Variants in FAM81B observed in about 807,000 individuals in gnomAD.
FAM81B encodes family with sequence similarity 81 member B.
Under a neutral mutation model 58.7 loss-of-function variants are expected in FAM81B, and 60 were observed. That is an observed-to-expected ratio of 1.02 (90% CI 0.83 to 1.27). The LOEUF (loss-of-function observed/expected upper bound fraction) is 1.27. Ranked by LOEUF, FAM81B falls within the 50% of genes most tolerant of loss-of-function variation. The probability of loss-of-function intolerance (pLI) is 0.00; values close to 1 mark genes in which losing one functional copy is unlikely to be tolerated. For missense variants in FAM81B, 491 were observed against 522.0 expected (o/e 0.94, Z 0.58); for synonymous variants, 189 against 179.6 (o/e 1.05, Z -0.42).
chr5:95,436,867 A>AC lies in FAM81B; in HGVS notation c.854_855insC (p.Gln285HisfsTer21), dbSNP rs373017124. The AC allele has an allele frequency of 5.8e-3, 9,328 of 1,613,842 alleles. 49 individuals carry two copies. The highest frequency in any genetic ancestry group is 7.1e-3 in the Middle Eastern group (43 of 6,060). ...CAAACCTCGAATTTAAAGATGGTCCAGGGGGATTATCGCCACGAAATGAAC... is the reference window on the plus strand; with the variant it reads ...CAAACCTCGAATTTAAAGATGGTCCACGGGGGATTATCGCCACGAAATGAAC... On this transcript the variant is annotated frameshift_variant, in exon 7 of 10. Coordinates refer to ENST00000283357, the MANE Select transcript of FAM81B (RefSeq NM_152548.3). LOFTEE classifies it high-confidence loss of function.
Position 95,450,181 on chromosome 5 carries a change from C to T in FAM81B, c.1258C>T (p.Leu420Phe). The T allele has an allele frequency of 6.2e-7, 1 of 1,613,034 alleles. No individual in the cohort carries two copies. Among genetic ancestry groups the T allele is most frequent in the Non-Finnish European group, 8.5e-7 (1 of 1,179,534 alleles). The change falls in exon 10 of 10, where the codon CTC (leucine) becomes TTC (phenylalanine). Residue 420 changes from leucine to phenylalanine, a missense_variant. Coordinates refer to ENST00000283357, the MANE Select transcript of FAM81B (RefSeq NM_152548.3). The part of the protein sequence containing the change: ...FKSIHDSLSS[L>F]QQIQKTKMDL... ...ATCAATTCATGACTCTCTCAGCTCC[C>T]TCCAACAAATACAGAAAACAAAGAT...
At chr5:95,419,240 T>C (rs925651687) in intron 4 of FAM81B, among the ~76,000 whole-genome samples, 3 of 152,214 alleles carry the variant, frequency 2.0e-5, no homozygotes, top group African/African-American at 7.2e-5. Context: ...CAAGAGTCTG[T>C]CTGTGGTCTT....
intron 7 of FAM81B, among the ~76,000 whole-genome samples, chr5:95,437,979 A>C (rs1317246637): frequency 6.6e-6 from 1 of 152,116 alleles, no homozygotes; most frequent in African/African-American, 2.4e-5. Context: ...ACTGTATTTT[A>C]TTAAATCTAA....
At chr5:95,435,413 T>G (rs1262351058) in intron 6 of FAM81B, among the ~76,000 whole-genome samples, 1 of 152,222 alleles carries the variant, frequency 6.6e-6, no homozygotes, top group Non-Finnish European at 1.5e-5. Context: ...ATTTTCTTAA[T>G]GTTGCATATG....
chr5:95,409,988 C>T (rs1274697403), intron 3 of FAM81B, among the ~76,000 whole-genome samples: 1 of 152,078 alleles, frequency 6.6e-6, no homozygotes, highest in African/African-American at 2.4e-5. Flanking sequence ...TAATAAAAGT[C>T]CCAATTTTGT....
intron 6 of FAM81B, among the ~76,000 whole-genome samples, chr5:95,433,228 G>T (rs568813998): frequency 2.7e-5 from 4 of 150,786 alleles, no homozygotes; most frequent in African/African-American, 9.9e-5. Context: ...CCACATGGCT[G>T]GGGAGACCTC....
intron 4 of FAM81B, 150 bp from the exon 5 acceptor site, chr5:95,420,134 G>A (rs1762638790): frequency 1.1e-6 from 1 of 874,358 alleles, no homozygotes; most frequent in Admixed American, 2.5e-5. Flanking sequence ...AATTAGCAGA[G>A]ATCACTTCTC....
chr5:95,399,480 G>GCCCCCC (rs112271049), intron 3 of FAM81B, among the ~76,000 whole-genome samples: 4 of 149,908 alleles, frequency 2.7e-5, no homozygotes, highest in African/African-American at 9.9e-5. Flanking sequence ...TTCTTTTCAT[G>GCCCCCC]CCCCCCCCCA....
Position 95,448,250 on chromosome 5 carries a change from C to G in FAM81B, c.1030-19C>G. On this transcript the variant is annotated intron_variant, in intron 8 of 9. Coordinates refer to ENST00000283357, the MANE Select transcript of FAM81B (RefSeq NM_152548.3). ...TCCATGTACATTTCTGAAGTTTTATCCCATAATCTCTTTTACAGGAAAAGT... is the reference window on the plus strand; with the variant it reads ...TCCATGTACATTTCTGAAGTTTTATGCCATAATCTCTTTTACAGGAAAAGT... 7.0e-6 allele frequency: 11 copies of G among 1,582,412 alleles called. No homozygotes were observed. The highest frequency in any genetic ancestry group is 9.4e-6 in the Non-Finnish European group (11 of 1,169,516).
At chr5:95,429,839 T>TATTTTTTA (rs1744800280) in intron 6 of FAM81B, among the ~76,000 whole-genome samples, 1 of 152,202 alleles carries the variant, frequency 6.6e-6, no homozygotes, top group Non-Finnish European at 1.5e-5. Flanking sequence ...TGGTTAGAAA[T>TATTTTTTA]ATTTTTTAAT....
chr5:95,438,785 TAAA>T (rs11299017), intron 7 of FAM81B, among the ~76,000 whole-genome samples: 1 of 128,246 alleles, frequency 7.8e-6, no homozygotes, highest in Admixed American at 8.0e-5. Flanking sequence ...GCATTAATTG[TAAA>T]AAAAAAAAAA....
intron 3 of FAM81B, among the ~76,000 whole-genome samples, chr5:95,408,272 C>G (rs1389363835): frequency 1.3e-5 from 2 of 152,216 alleles, no homozygotes; most frequent in Non-Finnish European, 1.5e-5. Flanking sequence ...GAGAGGGTAT[C>G]AGGATTTTTA....
intron 1 of FAM81B, among the ~76,000 whole-genome samples, chr5:95,392,084 A>G (rs553572561): frequency 2.0e-5 from 3 of 152,358 alleles, no homozygotes; most frequent in Non-Finnish European, 2.9e-5. Context: ...TCACAATAGC[A>G]AAGACTTGGA....
chr5:95,399,181 G>A (rs1358858645), intron 3 of FAM81B, among the ~76,000 whole-genome samples: 1 of 152,194 alleles, frequency 6.6e-6, no homozygotes, highest in Non-Finnish European at 1.5e-5. Flanking sequence ...CTTTCAGCAA[G>A]TCAAATGGGC....
In FAM81B at chr5:95,436,922, A is replaced by G. The variant is rs1480320064; in HGVS notation, c.893+16A>G. 6.3e-7 allele frequency: 1 copy of G among 1,588,700 alleles called. No individual in the cohort carries two copies. Among genetic ancestry groups the G allele is most frequent in the African/African-American group, 1.3e-5 (1 of 74,486 alleles). On this transcript the variant is annotated intron_variant, in intron 7 of 9. Coordinates refer to ENST00000283357, the MANE Select transcript of FAM81B (RefSeq NM_152548.3). ...TGGAATTCAAGTAAGTGAATAGAAGATTTTTAATTCTGTTAAGTGCATTCC... is the reference window on the plus strand; with the variant it reads ...TGGAATTCAAGTAAGTGAATAGAAGGTTTTTAATTCTGTTAAGTGCATTCC...
intron 5 of FAM81B, among the ~76,000 whole-genome samples, chr5:95,427,175 G>T (rs1762867476): frequency 6.6e-6 from 1 of 152,172 alleles, no homozygotes; most frequent in African/African-American, 2.4e-5. Flanking sequence ...TGTCCCTGAG[G>T]GTGGGAAACA....
chr5:95,422,721 ATTTC>A (rs749885072), intron 5 of FAM81B, among the ~76,000 whole-genome samples: 54 of 152,294 alleles, frequency 3.5e-4, no homozygotes, highest in Non-Finnish European at 6.5e-4. Flanking sequence ...CCTACCAACT[ATTTC>A]TTTCTGCAAA....
intron 1 of FAM81B, 116 bp downstream of exon 1, chr5:95,391,629 G>A: frequency 8.6e-7 from 1 of 1,158,426 alleles, no homozygotes; most frequent in South Asian, 1.9e-5. Context: ...GAAGGCTTGG[G>A]CACAACAGAG....
chr5:95,438,603 C>G (rs1237670458), intron 7 of FAM81B, among the ~76,000 whole-genome samples: 1 of 152,052 alleles, frequency 6.6e-6, no homozygotes, highest in Non-Finnish European at 1.5e-5. Context: ...GTAAACTTGA[C>G]TCTTTTTCTC....
Sources: gnomAD v4.1 joint callset for allele counts (sites outside exome capture counted in the v4.1 genomes callset) on GRCh38, gnomAD v4.1.1 for gene constraint, MANE v1.5 for transcripts, NCBI Gene and HGNC (gene_info 2026-07-23, HGNC 2026-07-21) for gene names.